Variants in CSNK1G1 observed in about 807,000 individuals in gnomAD.
The protein encoded by CSNK1G1 is casein kinase 1 gamma 1.
Under a neutral mutation model 59.6 loss-of-function variants are expected in CSNK1G1, and 22 were observed. The ratio of observed to expected loss-of-function variants is 0.37; its 90% CI spans 0.26 to 0.53. CSNK1G1 has a LOEUF of 0.53. Ranked by LOEUF, CSNK1G1 falls within the 20% of genes least tolerant of loss-of-function variation. The pLI is 0.89. For missense variants in CSNK1G1, 384 were observed against 519.5 expected, an observed-to-expected ratio of 0.74 and a Z score of 2.54; for synonymous variants, 179 against 177.1, an observed-to-expected ratio of 1.01 and a Z score of -0.08.
At chr15:64,305,695 CAA>C (rs1197333533) in intron 1 of CSNK1G1, among the ~76,000 whole-genome samples, 3 of 56,714 alleles carry the variant, frequency 5.3e-5, no homozygotes, top group African/African-American at 6.8e-5. Flanking sequence ...ACCCTGTCTC[CAA>C]AAAAAAAAAA....
intron 2 of CSNK1G1, among the ~76,000 whole-genome samples, chr15:64,266,810 C>G (rs915154583): frequency 6.6e-6 from 1 of 152,142 alleles, no homozygotes; most frequent in African/African-American, 2.4e-5. Context: ...GATATTCACA[C>G]ATAGAAGGAA....
At chr15:64,329,534 G>A (rs2140454863) in intron 1 of CSNK1G1, among the ~76,000 whole-genome samples, 2 of 136,100 alleles carry the variant, frequency 1.5e-5, no homozygotes, top group East Asian at 4.2e-4. Flanking sequence ...AGTGTGTAGA[G>A]GGAAATTTAT....
At chr15:64,268,535 G>A (rs1043393399) in intron 2 of CSNK1G1, among the ~76,000 whole-genome samples, 2 of 152,122 alleles carry the variant, frequency 1.3e-5, no homozygotes, top group Admixed American at 6.5e-5. Flanking sequence ...TTCTCCTCAT[G>A]TCTGTGTGGG....
chr15:64,176,712 T>C lies in CSNK1G1; in HGVS notation c.1214+3636A>G, dbSNP rs903147894. Among the ~76,000 whole-genome samples the C allele has an allele frequency of 6.6e-6, 1 of 152,170 alleles. No individual in the cohort carries two copies. The highest frequency in any genetic ancestry group is 2.4e-5 in the African/African-American group (1 of 41,444). On this transcript the variant is annotated intron_variant, in intron 11 of 11. Transcript: ENST00000303052. The surrounding 1 kb of genome is among the most constrained non-coding windows in gnomAD (Gnocchi z 5.2). ...TGCAATATTAAGCTAGCCTCTCAAA[T>C]ATTCTGAGGGAAAAAGAAAGTCCCT...
chr15:64,279,958 C>A, intron 2 of CSNK1G1, among the ~76,000 whole-genome samples: 1 of 145,810 alleles, frequency 6.9e-6, no homozygotes. Flanking sequence ...GGCAACAGAG[C>A]GAGACTCCAT....
At chr15:64,285,660 T>C (rs1374105335) in intron 2 of CSNK1G1, among the ~76,000 whole-genome samples, 1 of 152,142 alleles carries the variant, frequency 6.6e-6, no homozygotes, top group Non-Finnish European at 1.5e-5. Flanking sequence ...CAAAAAACAT[T>C]TAGAATTACT....
At chr15:64,272,626 G>C (rs1893384186) in intron 2 of CSNK1G1, among the ~76,000 whole-genome samples, 1 of 152,154 alleles carries the variant, frequency 6.6e-6, no homozygotes, top group Non-Finnish European at 1.5e-5. Flanking sequence ...TATTATGCTG[G>C]CTTGTTTGTG....
intron 10 of CSNK1G1, among the ~76,000 whole-genome samples, chr15:64,192,840 T>TAA (rs66643774): frequency 0.035 from 1,133 of 32,246 alleles, 108 homozygotes; most frequent in African/African-American, 0.074. Context: ...GAGATCTGCC[T>TAA]AAAAAAAAAA....
intron 2 of CSNK1G1, among the ~76,000 whole-genome samples, chr15:64,266,415 G>A (rs1260767338): frequency 2.0e-5 from 3 of 151,822 alleles, no homozygotes; most frequent in East Asian, 3.9e-4. Context: ...ATAAAAAATC[G>A]GAAGAATATT....
chr15:64,223,140 G>A (rs1221951972), intron 4 of CSNK1G1, among the ~76,000 whole-genome samples: 1 of 152,006 alleles, frequency 6.6e-6, no homozygotes, highest in African/African-American at 2.4e-5. Context: ...TGTGCTGGTG[G>A]TAAAAGACAC....
intron 1 of CSNK1G1, among the ~76,000 whole-genome samples, chr15:64,313,290 C>A (rs1157964153): frequency 1.3e-5 from 2 of 152,168 alleles, no homozygotes; most frequent in Non-Finnish European, 2.9e-5. Context: ...ACTATGAAGA[C>A]ACATGCACAC....
chr15:64,285,845 T>A (rs771399963), intron 2 of CSNK1G1, among the ~76,000 whole-genome samples: 1 of 151,922 alleles, frequency 6.6e-6, no homozygotes, highest in Non-Finnish European at 1.5e-5. Flanking sequence ...AGTTAATTTA[T>A]CTTCTCCAAG....
intron 4 of CSNK1G1, among the ~76,000 whole-genome samples, chr15:64,248,948 G>A (rs1044868892): frequency 6.6e-6 from 1 of 152,070 alleles, no homozygotes; most frequent in Admixed American, 6.6e-5. Flanking sequence ...GTGAAACCCC[G>A]TCTCTATTAA....
At chr15:64,204,007 G>T (rs1360150246) in intron 9 of CSNK1G1, among the ~76,000 whole-genome samples, 1 of 151,882 alleles carries the variant, frequency 6.6e-6, no homozygotes, top group Non-Finnish European at 1.5e-5. Context: ...GCCGGGCGTG[G>T]TGGTGTGTGC....
chr15:64,277,678 TATAGC>T (rs1376936740), intron 2 of CSNK1G1, among the ~76,000 whole-genome samples: 1 of 134,404 alleles, frequency 7.4e-6, no homozygotes, highest in Non-Finnish European at 1.5e-5. Context: ...TATTTAATAA[TATAGC>T]AATATTGATA....
chr15:64,177,328 C>T (rs934877198), intron 11 of CSNK1G1, among the ~76,000 whole-genome samples: 1 of 152,104 alleles, frequency 6.6e-6, no homozygotes, highest in African/African-American at 2.4e-5. Context: ...TTTGGAACAC[C>T]TCGTGCTTCT....
chr15:64,302,814 T>A (rs1329729962), intron 1 of CSNK1G1, among the ~76,000 whole-genome samples: 27 of 152,210 alleles, frequency 1.8e-4, no homozygotes, highest in Non-Finnish European at 8.8e-5. Flanking sequence ...TCACACATTT[T>A]CAAAAATTAT....
At chr15:64,297,942 A>G (rs953753145) in intron 2 of CSNK1G1, among the ~76,000 whole-genome samples, 3 of 152,214 alleles carry the variant, frequency 2.0e-5, no homozygotes, top group Admixed American at 6.6e-5. Flanking sequence ...GATAATTCTG[A>G]AAGTATCTTT....
chr15:64,277,645 TTAATAATATAGC>T (rs1893746612), intron 2 of CSNK1G1, among the ~76,000 whole-genome samples: 32 of 130,944 alleles, frequency 2.4e-4, no homozygotes, highest in South Asian at 4.7e-4. Context: ...ATTAATATAT[TTAATAATATAGC>T]AATATTGATA....
Sources: gnomAD v4.1 joint callset for allele counts (sites outside exome capture counted in the v4.1 genomes callset) on GRCh38, gnomAD v4.1.1 for gene constraint, Gnocchi (gnomAD v3.1) non-coding constraint, MANE v1.5 for transcripts, NCBI Gene and HGNC (gene_info 2026-07-23, HGNC 2026-07-21) for gene names.